TXNRD2: variants seen among roughly 807,000 people sequenced by gnomAD.
TXNRD2 encodes thioredoxin reductase 2, mitochondrial.
TXNRD2 carries 67 observed loss-of-function variants against 70.8 expected under a neutral mutation model. That is an observed-to-expected ratio of 0.95 (90% CI 0.78 to 1.16). TXNRD2 has a LOEUF of 1.16. TXNRD2 is among the 50% of genes most tolerant of loss of function. TXNRD2 has a pLI of 0.00. For missense variants in TXNRD2, 644 were observed against 719.9 expected (o/e 0.89, Z 1.21); for synonymous variants, 301 against 295.8 (o/e 1.02, Z -0.18).
chr22:19,893,769 C>T (rs1939369644), intron 11 of TXNRD2: 2 of 152,276 alleles, frequency 1.3e-5, no homozygotes, highest in Non-Finnish European at 1.5e-5. Flanking sequence ...CTGCCCAGCA[C>T]TGGAAGGGTG....
chr22:19,881,877 C>T (rs575325419), intron 12 of TXNRD2, among the ~76,000 whole-genome samples: 19 of 152,380 alleles, frequency 1.2e-4, no homozygotes, highest in African/African-American at 3.8e-4. Context: ...CATGGAGCCA[C>T]ATGCTCTGTC....
chr22:19,880,777 A>G (rs754650551), intron 12 of TXNRD2, 60 bp from the exon 13 acceptor site: 3 of 1,238,320 alleles, frequency 2.4e-6, no homozygotes, highest in African/African-American at 3.0e-5. Context: ...TGCAGCCCCT[A>G]TGCCATCACC....
At position 19,878,462 on chromosome 22, in the gene TXNRD2, A is replaced by G. The variant is rs778027045; in HGVS notation, c.1276-25T>C. On this transcript the variant is annotated intron_variant, in intron 14 of 17. Coordinates refer to ENST00000400521, the MANE Select transcript of TXNRD2 (RefSeq NM_006440.5). ...CCTGAGGACAGGATACCAACCCTGG[A>G]TCAGTGCTGCGACAAACAAACCTCG... is the stretch of plus-strand genomic sequence containing the variant. 4 of 1,610,370 alleles carry G rather than the reference A, an allele frequency of 2.5e-6. No homozygotes were observed. The Admixed American group carries it at 6.7e-5, about 27-fold the overall frequency.
intron 11 of TXNRD2, among the ~76,000 whole-genome samples, chr22:19,889,627 A>AATTATTATT (rs71186634): frequency 0.032 from 4,881 of 150,340 alleles, 281 homozygotes; most frequent in African/African-American, 0.11. Context: ...AACAAAAAAC[A>AATTATTATT]ATTATTATTA....
intron 7 of TXNRD2, 114 bp from the exon 8 acceptor site, chr22:19,911,561 T>G: frequency 1.2e-6 from 1 of 800,388 alleles, no homozygotes; most frequent in Non-Finnish European, 2.2e-6. Context: ...AGGGCACACA[T>G]GCACAGGGCT....
intron 8 of TXNRD2, 25 bp from the exon 9 acceptor site, chr22:19,899,093 A>C: frequency 6.2e-7 from 1 of 1,607,078 alleles, no homozygotes; most frequent in Non-Finnish European, 8.5e-7. Context: ...GAGAGAGAGC[A>C]CATGTAAAGC....
intron 8 of TXNRD2, among the ~76,000 whole-genome samples, chr22:19,906,610 A>C (rs796692900): frequency 2.6e-5 from 4 of 152,168 alleles, no homozygotes; most frequent in African/African-American, 9.6e-5. Context: ...CGACAGAGCA[A>C]GACCCTGTCT....
intron 5 of TXNRD2, among the ~76,000 whole-genome samples, chr22:19,917,361 T>C (rs1940684127): frequency 6.6e-6 from 1 of 151,960 alleles, no homozygotes; most frequent in Non-Finnish European, 1.5e-5. Context: ...GGGGAGAGCT[T>C]GTGAGGTCCA....
At chr22:19,929,923 C>A (rs1941295084) in intron 2 of TXNRD2, among the ~76,000 whole-genome samples, 1 of 152,226 alleles carries the variant, frequency 6.6e-6, no homozygotes, top group Admixed American at 6.5e-5. Context: ...AAGGCGGAGA[C>A]ATACCCAGGA....
chr22:19,880,597 C>G, intron 13 of TXNRD2, 25 bp downstream of exon 13: 1 of 1,607,302 alleles, frequency 6.2e-7, no homozygotes, highest in South Asian at 1.1e-5. Context: ...CTAGGCTGCA[C>G]GTGGCGTCCT....
rs946591452 is a variant in TXNRD2 at position 19,906,366 on chromosome 22, A to G, written c.662+5011T>C. Among the ~76,000 whole-genome samples, 9 of 152,178 alleles carry G rather than the reference A, an allele frequency of 5.9e-5. 1 individual carries two copies. Among genetic ancestry groups the G allele is most frequent in the Admixed American group, 5.9e-4 (9 of 15,278 alleles). ...AAAAACAGTCTGGGTGCCGTAGCTC[A>G]CACCTGTAATCCCAGCACTTTGAGG... On this transcript the variant is annotated intron_variant, in intron 8 of 17. Transcript: ENST00000400521.
At chr22:19,934,484 G>A (rs530595668) in intron 1 of TXNRD2, among the ~76,000 whole-genome samples, 48 of 151,998 alleles carry the variant, frequency 3.2e-4, no homozygotes, top group African/African-American at 1.1e-3. Context: ...GGCTGGAGCC[G>A]TGGCAGAGGA....
At chr22:19,883,771 T>C (rs1938897364) in intron 11 of TXNRD2, 2 of 382,864 alleles carry the variant, frequency 5.2e-6, no homozygotes, top group Admixed American at 3.8e-5. Flanking sequence ...CTGGCCAACA[T>C]GGTGAAACCC....
chr22:19,908,763 G>A (rs1940185219), intron 8 of TXNRD2, among the ~76,000 whole-genome samples: 1 of 152,138 alleles, frequency 6.6e-6, no homozygotes, highest in South Asian at 2.1e-4. Flanking sequence ...AACAAAATGT[G>A]GTGTGCCTGT....
At chr22:19,880,368 C>A (rs1569070813) in intron 13 of TXNRD2, 97 bp from the exon 14 acceptor site, 2 of 1,251,808 alleles carry the variant, frequency 1.6e-6, no homozygotes, top group Non-Finnish European at 2.3e-6. Flanking sequence ...CAGACCAGGA[C>A]CAGATGCGCC....
chr22:19,915,052 G>A (rs1940571826), intron 7 of TXNRD2, 162 bp downstream of exon 7: 1 of 719,870 alleles, frequency 1.4e-6, no homozygotes, highest in South Asian at 1.6e-5. Context: ...TTTCAGCAGT[G>A]TGGATTCAAG....
chr22:19,903,959 CTCT>C (rs1163339081), intron 8 of TXNRD2, among the ~76,000 whole-genome samples: 1 of 152,246 alleles, frequency 6.6e-6, no homozygotes, highest in Admixed American at 6.5e-5. Context: ...GAAACCTCCT[CTCT>C]TCTTCAACCT....
intron 16 of TXNRD2, among the ~76,000 whole-genome samples, chr22:19,877,456 C>A (rs867798240): frequency 2.0e-5 from 3 of 151,968 alleles, no homozygotes; most frequent in Non-Finnish European, 2.9e-5. Context: ...CCCAGCCACG[C>A]CCTGGCTTGC....
chr22:19,934,198 C>T (rs1941461869), intron 1 of TXNRD2, among the ~76,000 whole-genome samples: 1 of 152,096 alleles, frequency 6.6e-6, no homozygotes, highest in Admixed American at 6.5e-5. Context: ...CATCGCCCAC[C>T]CACTCCAAGC....
Sources: gnomAD v4.1 joint callset for allele counts (sites outside exome capture counted in the v4.1 genomes callset) on GRCh38, gnomAD v4.1.1 for gene constraint, MANE v1.5 for transcripts, NCBI Gene and HGNC (gene_info 2026-07-23, HGNC 2026-07-21) for gene names.